The following CLVS1 variants were observed in gnomAD, a reference collection of about 807,000 sequenced individuals.
CLVS1 encodes clavesin 1, also known as clavesin-1.
A neutral mutation model predicts 33.1 loss-of-function variants in CLVS1; 10 were observed. That is an observed-to-expected ratio of 0.30 (90% CI 0.19 to 0.51). The LOEUF (loss-of-function observed/expected upper bound fraction) is 0.51, where lower values mean the gene tolerates loss of function less well. Ranked by LOEUF, CLVS1 falls within the 20% of genes least tolerant of loss-of-function variation. The probability of loss-of-function intolerance (pLI) is 0.97; values close to 1 mark genes in which losing one functional copy is unlikely to be tolerated. For synonymous variants in CLVS1, 163 were observed against 166.1 expected, an observed-to-expected ratio of 0.98 and a Z score of 0.14; for missense variants, 343 against 433.4, an observed-to-expected ratio of 0.79 and a Z score of 1.85.
intron 2 of CLVS1, among the ~76,000 whole-genome samples, chr8:61,314,069 G>A (rs1008912600): frequency 1.3e-5 from 2 of 152,158 alleles, no homozygotes; most frequent in Non-Finnish European, 1.5e-5. Flanking sequence ...GTGTCATTGT[G>A]CACAAGACAG....
chr8:61,085,732 A>G (rs2129283312), intron 1 of CLVS1, among the ~76,000 whole-genome samples: 1 of 151,268 alleles, frequency 6.6e-6, no homozygotes, highest in South Asian at 2.1e-4. Flanking sequence ...CCCTACCAAA[A>G]AAAAAAAAAA....
At chr8:61,023,119 A>G in the CLVS1 span, among the ~76,000 whole-genome samples, 1 of 152,236 alleles carries the variant, frequency 6.6e-6, no homozygotes, top group African/African-American at 2.4e-5. Context: ...TATTATAGAT[A>G]GTATTTGTTT....
chr8:61,482,013 A>T (rs996080020), intron 5 of CLVS1, among the ~76,000 whole-genome samples: 8 of 152,216 alleles, frequency 5.3e-5, no homozygotes, highest in African/African-American at 1.9e-4. Context: ...CAGAGGAAGG[A>T]TCAGGCAGCA....
At chr8:61,022,672 C>T in the CLVS1 span, among the ~76,000 whole-genome samples, 2 of 152,260 alleles carry the variant, frequency 1.3e-5, no homozygotes, top group Admixed American at 1.3e-4. Flanking sequence ...ACAAGAGCAG[C>T]CATGTGTTGA....
At chr8:61,154,981 TGTGTGTGC>T (rs1201380463) in intron 2 of CLVS1, among the ~76,000 whole-genome samples, 1 of 152,152 alleles carries the variant, frequency 6.6e-6, no homozygotes, top group Non-Finnish European at 1.5e-5. Context: ...TGTGAGTAGG[TGTGTGTGC>T]GTGTGTGCAT....
At chr8:61,004,285 T>C in the CLVS1 span, among the ~76,000 whole-genome samples, 1 of 152,314 alleles carries the variant, frequency 6.6e-6, no homozygotes, top group Non-Finnish European at 1.5e-5. Context: ...ATTCTGTTCT[T>C]CCCCAGGACC....
chr8:61,359,333 G>C (rs1360121096), intron 2 of CLVS1, among the ~76,000 whole-genome samples: 1 of 151,968 alleles, frequency 6.6e-6, no homozygotes, highest in Non-Finnish European at 1.5e-5. Flanking sequence ...ATGTGTCTCT[G>C]TTTAATGATG....
intron 2 of CLVS1, among the ~76,000 whole-genome samples, chr8:61,263,825 T>C (rs1450437406): frequency 2.0e-5 from 3 of 152,188 alleles, no homozygotes; most frequent in African/African-American, 7.2e-5. Flanking sequence ...ACCATGCTTA[T>C]GCCATGGGAT....
chr8:61,458,587 T>C, intron 5 of CLVS1, 45 bp downstream of exon 5: 1 of 1,318,822 alleles, frequency 7.6e-7, no homozygotes, highest in South Asian at 1.4e-5. Flanking sequence ...CAGAGGTCAA[T>C]GGAATTTTTT....
intron 2 of CLVS1, among the ~76,000 whole-genome samples, chr8:61,257,969 G>A (rs1368506934): frequency 6.6e-6 from 1 of 152,030 alleles, no homozygotes; most frequent in Non-Finnish European, 1.5e-5. Flanking sequence ...TGGTGGTGGT[G>A]GTAGTGACTA....
intron 5 of CLVS1, among the ~76,000 whole-genome samples, chr8:61,478,335 A>G (rs1235734486): frequency 2.6e-5 from 4 of 152,136 alleles, no homozygotes; most frequent in African/African-American, 9.7e-5. Context: ...TATTAGGTCC[A>G]CTTGGTTCAG....
At chr8:61,456,948 T>A (rs1817188522) in intron 4 of CLVS1, among the ~76,000 whole-genome samples, 1 of 151,362 alleles carries the variant, frequency 6.6e-6, no homozygotes, top group African/African-American at 2.4e-5. Flanking sequence ...ATAGATTTTT[T>A]TTTTCCCGAG....
chr8:60,985,587 A>G, the CLVS1 span, among the ~76,000 whole-genome samples: 1 of 152,184 alleles, frequency 6.6e-6, no homozygotes, highest in Non-Finnish European at 1.5e-5. Context: ...CTCTGCTGAA[A>G]CAGAGTAATA....
intron 3 of CLVS1, among the ~76,000 whole-genome samples, chr8:61,435,149 C>T (rs1361276879): frequency 6.6e-6 from 1 of 152,062 alleles, no homozygotes; most frequent in African/African-American, 2.4e-5. Context: ...CGAAATACCC[C>T]CATGAGAAGG....
chr8:60,977,006 A>T, the CLVS1 span, among the ~76,000 whole-genome samples: 9 of 151,938 alleles, frequency 5.9e-5, no homozygotes, highest in Admixed American at 5.9e-4. Flanking sequence ...TGCTAGTTTC[A>T]CTCCTCCAAA....
intron 5 of CLVS1, among the ~76,000 whole-genome samples, chr8:61,486,098 AAAATAAATAAAT>A (rs57652285): frequency 2.7e-4 from 40 of 150,296 alleles, no homozygotes; most frequent in African/African-American, 5.1e-4. Context: ...AAGTATAATT[AAAATAAATAAAT>A]AAATAAATAA....
intron 2 of CLVS1, among the ~76,000 whole-genome samples, chr8:61,164,461 C>T (rs371027100): frequency 1.3e-3 from 196 of 152,304 alleles, no homozygotes; most frequent in South Asian, 2.5e-3. Flanking sequence ...CCAAACATTG[C>T]GATTCCCGCT....
At chr8:61,039,000 T>G in the CLVS1 span, among the ~76,000 whole-genome samples, 1 of 152,234 alleles carries the variant, frequency 6.6e-6, no homozygotes, top group Admixed American at 6.5e-5. Flanking sequence ...AATATTTATA[T>G]TAGTCTCAGA....
the CLVS1 span, among the ~76,000 whole-genome samples, chr8:60,995,398 A>G: frequency 2.8e-4 from 43 of 152,300 alleles, no homozygotes; most frequent in African/African-American, 9.6e-4. Flanking sequence ...GCAGCCAAAA[A>G]ACACATGAAA....
Sources: gnomAD v4.1 joint callset for allele counts (sites outside exome capture counted in the v4.1 genomes callset) on GRCh38, gnomAD v4.1.1 for gene constraint, MANE v1.5 for transcripts, NCBI Gene and HGNC (gene_info 2026-07-23, HGNC 2026-07-21) for gene names.